BNC2: variants seen among roughly 807,000 people sequenced by gnomAD.
The protein encoded by BNC2 is basonuclin zinc finger protein 2, also known as zinc finger protein basonuclin-2.
A neutral mutation model predicts 76.3 loss-of-function variants in BNC2; 20 were observed. The observed-to-expected ratio is 0.26, with a 90% confidence interval of 0.18 to 0.38. The LOEUF (loss-of-function observed/expected upper bound fraction) is 0.38, where lower values mean the gene tolerates loss of function less well. Ranked by LOEUF, BNC2 falls within the 10% of genes least tolerant of loss-of-function variation. BNC2 has a pLI of 1.00. For synonymous variants in BNC2, 582 were observed against 514.8 expected, an observed-to-expected ratio of 1.13 and a Z score of -1.77; for missense variants, 1,382 against 1,399.8, an observed-to-expected ratio of 0.99 and a Z score of 0.20.
At chr9:16,651,629 G>T (rs919401645) in intron 3 of BNC2, among the ~76,000 whole-genome samples, 5 of 152,128 alleles carry the variant, frequency 3.3e-5, no homozygotes, top group African/African-American at 1.2e-4. Context: ...AGCTTGCGAT[G>T]CTATAAAATG....
chr9:16,689,402 A>G (rs1045302461), intron 3 of BNC2, among the ~76,000 whole-genome samples: 2 of 152,172 alleles, frequency 1.3e-5, no homozygotes, highest in African/African-American at 4.8e-5. Context: ...CTGCAGAGCC[A>G]GGGTCCACTT....
chr9:16,602,292 G>A (rs36118677), intron 3 of BNC2, among the ~76,000 whole-genome samples: 13,362 of 152,168 alleles, frequency 0.088, 817 homozygotes, highest in Non-Finnish European at 0.14. Flanking sequence ...GTAAAAATGT[G>A]TACTTATTTA....
chr9:16,523,607 C>G (rs1587130649), intron 5 of BNC2, among the ~76,000 whole-genome samples: 1 of 152,044 alleles, frequency 6.6e-6, no homozygotes, highest in Middle Eastern at 3.4e-3. Flanking sequence ...TATAAACTTT[C>G]TGGAAAAAGA....
At chr9:16,628,968 T>C (rs1310332316) in intron 3 of BNC2, among the ~76,000 whole-genome samples, 1 of 152,182 alleles carries the variant, frequency 6.6e-6, no homozygotes, top group Non-Finnish European at 1.5e-5. Flanking sequence ...ATCAGTAGCT[T>C]GTATGTAAGC....
chr9:16,733,636 AAG>A (rs1824577366), intron 2 of BNC2, among the ~76,000 whole-genome samples: 1 of 152,178 alleles, frequency 6.6e-6, no homozygotes, highest in Admixed American at 6.5e-5. Context: ...AGCGGGGAGA[AAG>A]AGGAAGAGTA....
chr9:16,775,010 C>A (rs1586873112), intron 1 of BNC2, among the ~76,000 whole-genome samples: 1 of 152,184 alleles, frequency 6.6e-6, no homozygotes, highest in East Asian at 1.9e-4. Context: ...ACAAGGAATA[C>A]AGATAATGCA....
At chr9:16,732,162 A>AAAAAAAAAG (rs59888253) in intron 2 of BNC2, among the ~76,000 whole-genome samples, 1 of 123,588 alleles carries the variant, frequency 8.1e-6, no homozygotes, top group Admixed American at 8.3e-5. Context: ...TCCTGCAAAA[A>AAAAAAAAAG]AAAAAGAAAA....
chr9:16,751,612 ATATGTGTATATATATATGTATG>A (rs1563926829), intron 1 of BNC2, among the ~76,000 whole-genome samples: 70 of 140,848 alleles, frequency 5.0e-4, no homozygotes, highest in Admixed American at 7.2e-4. Context: ...ACAAATATAT[ATATGTGTATATATATATGTATG>A]TATATATGTA....
At chr9:16,560,237 GGTAT>G (rs550734632) in intron 4 of BNC2, among the ~76,000 whole-genome samples, 23 of 152,274 alleles carry the variant, frequency 1.5e-4, no homozygotes, top group Middle Eastern at 3.4e-3. Context: ...TGAATTAATG[GGTAT>G]GTGTTAGGGA....
intron 1 of BNC2, among the ~76,000 whole-genome samples, chr9:16,754,306 TA>T (rs1825311971): frequency 6.6e-6 from 1 of 152,190 alleles, no homozygotes; most frequent in Non-Finnish European, 1.5e-5. Context: ...CAGAGTTCCC[TA>T]AAGTGTCTCT....
At chr9:16,741,823 T>G (rs1824858851) in intron 1 of BNC2, among the ~76,000 whole-genome samples, 1 of 151,420 alleles carries the variant, frequency 6.6e-6, no homozygotes, top group African/African-American at 2.4e-5. Context: ...CCAGGTGTGG[T>G]GGTACACGCC....
intron 5 of BNC2, among the ~76,000 whole-genome samples, chr9:16,506,494 TTCTCTC>T (rs1228677567): frequency 7.0e-6 from 1 of 142,056 alleles, no homozygotes; most frequent in Non-Finnish European, 1.5e-5. Flanking sequence ...TAAAGTACAC[TTCTCTC>T]TCTCTCTCTC....
At chr9:16,460,178 A>C (rs1821544384) in intron 5 of BNC2, among the ~76,000 whole-genome samples, 1 of 152,216 alleles carries the variant, frequency 6.6e-6, no homozygotes, top group Non-Finnish European at 1.5e-5. Context: ...GCAATAGTAC[A>C]TCATTGAAGG....
intron 1 of BNC2, among the ~76,000 whole-genome samples, chr9:16,849,432 C>T (rs1490439975): frequency 7.1e-6 from 1 of 140,270 alleles, no homozygotes; most frequent in East Asian, 2.1e-4. Flanking sequence ...AATCTCGGCT[C>T]GCTGCAACCT....
intron 3 of BNC2, among the ~76,000 whole-genome samples, chr9:16,589,854 G>C (rs182776298): frequency 6.6e-6 from 1 of 152,094 alleles, no homozygotes; most frequent in African/African-American, 2.4e-5. Flanking sequence ...TTTCTGGAGA[G>C]TATAGCAAGA....
At chr9:16,608,246 T>C (rs910374061) in intron 3 of BNC2, among the ~76,000 whole-genome samples, 5 of 152,172 alleles carry the variant, frequency 3.3e-5, no homozygotes, top group Admixed American at 3.3e-4. Context: ...AACTGAATGG[T>C]ACTACTTTTC....
intron 6 of BNC2, among the ~76,000 whole-genome samples, chr9:16,424,995 A>G (rs1205741709): frequency 2.6e-5 from 4 of 152,314 alleles, no homozygotes; most frequent in Middle Eastern, 3.4e-3. Context: ...GATTCTGTCC[A>G]AAAGATCTGA....
At chr9:16,628,353 C>T (rs1203052215) in intron 3 of BNC2, among the ~76,000 whole-genome samples, 1 of 152,174 alleles carries the variant, frequency 6.6e-6, no homozygotes, top group African/African-American at 2.4e-5. Context: ...TCAGAAATTA[C>T]AGTGGTAGGG....
chr9:16,567,851 G>C (rs77325137), intron 4 of BNC2, among the ~76,000 whole-genome samples: 1,880 of 152,194 alleles, frequency 0.012, 44 homozygotes, highest in South Asian at 0.1. Context: ...CATTCAATAA[G>C]ATAAGAAGTA....
Sources: gnomAD v4.1 joint callset for allele counts (sites outside exome capture counted in the v4.1 genomes callset) on GRCh38, gnomAD v4.1.1 for gene constraint, MANE v1.5 for transcripts, NCBI Gene and HGNC (gene_info 2026-07-23, HGNC 2026-07-21) for gene names.